PDE6C: variants seen among roughly 807,000 people sequenced by gnomAD.
The protein encoded by PDE6C is cone cGMP-specific 3',5'-cyclic phosphodiesterase subunit alpha'.
A neutral mutation model predicts 113.1 loss-of-function variants in PDE6C; 75 were observed. The ratio of observed to expected loss-of-function variants is 0.66; its 90% CI spans 0.55 to 0.80. The LOEUF (loss-of-function observed/expected upper bound fraction) is 0.80. Among genes scored for constraint, PDE6C ranks in the 30% least tolerant of loss-of-function variants. The pLI is 0.00. For synonymous variants in PDE6C, 375 were observed against 363.7 expected (o/e 1.03, Z -0.35); for missense variants, 912 against 1,038.6 (o/e 0.88, Z 1.67).
intron 1 of PDE6C, among the ~76,000 whole-genome samples, chr10:93,614,698 G>T (rs1485270362): frequency 2.0e-5 from 3 of 152,154 alleles, no homozygotes; most frequent in Admixed American, 6.5e-5. Flanking sequence ...ACTTTGATTA[G>T]CCCAGTTCTC....
chr10:93,629,208 G>A (rs1589695734), intron 7 of PDE6C, 50 bp from the exon 8 acceptor site: 5 of 1,375,862 alleles, frequency 3.6e-6, no homozygotes, highest in Non-Finnish European at 5.2e-6. Flanking sequence ...TGGATCAAGA[G>A]GGCTCCACTA....
At chr10:93,633,747 T>C (rs946643257) in intron 8 of PDE6C, among the ~76,000 whole-genome samples, 3 of 152,078 alleles carry the variant, frequency 2.0e-5, no homozygotes, top group Non-Finnish European at 4.4e-5. Context: ...AAAACCACAC[T>C]AGTATTTTAA....
intron 11 of PDE6C, among the ~76,000 whole-genome samples, chr10:93,638,564 A>G (rs527979521): frequency 6.6e-6 from 1 of 152,340 alleles, no homozygotes; most frequent in African/African-American, 2.4e-5. Context: ...CTTATGTTGT[A>G]GAAGCAATAA....
intron 15 of PDE6C, among the ~76,000 whole-genome samples, chr10:93,653,263 G>A (rs965465369): frequency 1.3e-5 from 2 of 152,174 alleles, no homozygotes; most frequent in Admixed American, 6.6e-5. Flanking sequence ...ATCCAGACCA[G>A]GTTGAAAATA....
intron 18 of PDE6C, among the ~76,000 whole-genome samples, chr10:93,661,721 T>C (rs775323287): frequency 6.6e-6 from 1 of 151,816 alleles, no homozygotes. Flanking sequence ...TGCTAACAGA[T>C]AGACAGGACA....
chr10:93,622,626 C>G (rs1465907425), intron 4 of PDE6C, among the ~76,000 whole-genome samples: 1 of 146,562 alleles, frequency 6.8e-6, no homozygotes, highest in African/African-American at 2.6e-5. Context: ...TTCCAAACTC[C>G]TGGTAGCCAC....
intron 14 of PDE6C, 136 bp from the exon 15 acceptor site, chr10:93,645,824 A>G: frequency 1.5e-6 from 1 of 665,414 alleles, no homozygotes; most frequent in Non-Finnish European, 2.7e-6. Flanking sequence ...AATCTTTTCC[A>G]ATATGTTATT....
rs190505094 is a variant in PDE6C at position 93,620,860 on chromosome 10, A to G, written c.634-31A>G. On this transcript the variant is annotated intron_variant, in intron 2 of 21. Transcript: ENST00000371447. ...GTATAACCAAAGAAAAGATGTCACA[A>G]CCATAACTTGTTATTCTCTGCCGTC... 74 of 1,612,954 alleles carry G rather than the reference A, an allele frequency of 4.6e-5. No homozygotes were observed. The African/African-American group carries it at 8.5e-4, about 19-fold the overall frequency.
chr10:93,658,799 C>T (rs2058652685), intron 16 of PDE6C, 102 bp from the exon 17 acceptor site: 3 of 748,410 alleles, frequency 4.0e-6, no homozygotes, highest in Non-Finnish European at 7.1e-6. Context: ...GTGGACATCA[C>T]AATGCAAAGT....
At chr10:93,655,980 A>G in intron 16 of PDE6C, 120 bp downstream of exon 16, 1 of 738,104 alleles carries the variant, frequency 1.4e-6, no homozygotes, top group Non-Finnish European at 2.5e-6. Flanking sequence ...ACACACAGAC[A>G]CACACACACA....
At chr10:93,651,230 T>C (rs1338423445) in intron 15 of PDE6C, among the ~76,000 whole-genome samples, 1 of 152,188 alleles carries the variant, frequency 6.6e-6, no homozygotes, top group Admixed American at 6.5e-5. Context: ...ATCCTCAGCT[T>C]CCAATTTGTT....
intron 20 of PDE6C, 28 bp from the exon 21 acceptor site, chr10:93,663,000 G>A (rs745628819): frequency 6.3e-7 from 1 of 1,588,066 alleles, no homozygotes. Flanking sequence ...TATGATTTAT[G>A]TAGTTTCTGA....
At chr10:93,620,596 G>C in intron 1 of PDE6C, 36 bp from the exon 2 acceptor site, 1 of 1,610,686 alleles carries the variant, frequency 6.2e-7, no homozygotes, top group Non-Finnish European at 8.5e-7. Context: ...CTATGATTTT[G>C]TGCCACTTTG....
At chr10:93,649,632 T>C (rs747168336) in intron 15 of PDE6C, among the ~76,000 whole-genome samples, 4 of 152,010 alleles carry the variant, frequency 2.6e-5, no homozygotes, top group Non-Finnish European at 5.9e-5. Context: ...TGAGACGGAG[T>C]CTCATCCTGT....
rs145053431 is a variant in PDE6C, at chr10:93,612,782, T to G, written c.57T>G (p.Phe19Leu). The G allele has an allele frequency of 8.7e-6, 14 of 1,614,034 alleles. No homozygotes were observed. The highest frequency in any genetic ancestry group is 1.2e-5 in the Non-Finnish European group (14 of 1,180,042). ...AATACCTGGAGGAGAACCCTCAGTT[T>G]GCCAAGGAGTACTTTGACAGGAAGT... ...VEKYLEENPQFAKEYFDRKLR... is the reference protein window; with the variant it reads ...VEKYLEENPQLAKEYFDRKLR... Residue 19 changes from phenylalanine (F) to leucine (L), a missense_variant, in exon 1 of 22, where the codon TTT (phenylalanine) becomes TTG (leucine). Phe to Leu is a conservative substitution (Grantham distance 22, BLOSUM62 0). Coordinates refer to ENST00000371447, the MANE Select transcript of PDE6C (RefSeq NM_006204.4).
intron 8 of PDE6C, 74 bp from the exon 9 acceptor site, chr10:93,634,684 A>G: frequency 4.7e-6 from 7 of 1,488,158 alleles, no homozygotes; most frequent in South Asian, 1.2e-5. Context: ...TTTCTTTTGT[A>G]ATATCCTGTG....
At chr10:93,658,176 A>C (rs1372638427) in intron 16 of PDE6C, among the ~76,000 whole-genome samples, 2 of 143,350 alleles carry the variant, frequency 1.4e-5, no homozygotes, top group Middle Eastern at 3.3e-3. Context: ...TCTCAAAAAA[A>C]AAAAAAAAAA....
Position 93,665,906 on chromosome 10 carries a change from C to G in PDE6C, c.*488C>G, listed in dbSNP as rs968026112. ...TTCACATGGTCTTCCCTCTGTGTGTCTGTGTCCTAATCTCCTTTTCTTATA... is the reference window on the plus strand; with the variant it reads ...TTCACATGGTCTTCCCTCTGTGTGTGTGTGTCCTAATCTCCTTTTCTTATA... On this transcript the variant is annotated 3_prime_UTR_variant, in exon 22 of 22. Coordinates refer to ENST00000371447, the MANE Select transcript of PDE6C (RefSeq NM_006204.4). 2 of 214,240 alleles carry G rather than the reference C, an allele frequency of 9.3e-6. No individual in the cohort carries two copies. The highest frequency in any genetic ancestry group is 2.4e-5 in the African/African-American group (1 of 42,002). 13.3% of individuals were successfully genotyped at this position (214,240 alleles called of 1,614,324 possible). A position where few individuals can be genotyped will look rare whatever the true frequency, so the allele number is the denominator to read the frequency against.
At chr10:93,656,179 A>G (rs1017041174) in intron 16 of PDE6C, among the ~76,000 whole-genome samples, 16 of 152,346 alleles carry the variant, frequency 1.1e-4, no homozygotes, top group Admixed American at 7.8e-4. Flanking sequence ...TTGTCAAAAG[A>G]GTGAAGCCAA....
Sources: gnomAD v4.1 joint callset for allele counts (sites outside exome capture counted in the v4.1 genomes callset) on GRCh38, gnomAD v4.1.1 for gene constraint, MANE v1.5 for transcripts, NCBI Gene and HGNC (gene_info 2026-07-23, HGNC 2026-07-21) for gene names.